Variants in CTNNAL1 observed in about 807,000 individuals in gnomAD.
CTNNAL1 encodes alpha-catulin.
CTNNAL1 carries 69 observed loss-of-function variants against 93.6 expected under a neutral mutation model. The observed-to-expected ratio is 0.74, with a 90% CI of 0.61 to 0.90. The LOEUF (loss-of-function observed/expected upper bound fraction) is 0.90, where lower values mean the gene tolerates loss of function less well. Among genes scored for constraint, CTNNAL1 ranks in the 40% least tolerant of loss-of-function variants. The pLI is 0.00. For missense variants in CTNNAL1, 836 were observed against 862.0 expected (o/e 0.97, Z 0.38); for synonymous variants, 286 against 305.4 (o/e 0.94, Z 0.66).
intron 11 of CTNNAL1, among the ~76,000 whole-genome samples, chr9:108,962,637 T>C (rs569657594): frequency 1.8e-4 from 28 of 152,202 alleles, no homozygotes; most frequent in South Asian, 1.2e-3. Context: ...AGAAAGGACA[T>C]AGGGAGAGAT....
chr9:109,007,801 T>C (rs756161461), intron 1 of CTNNAL1, among the ~76,000 whole-genome samples: 1 of 152,212 alleles, frequency 6.6e-6, no homozygotes, highest in Admixed American at 6.5e-5. Context: ...CCATGTACTA[T>C]CTGGCTACTC....
chr9:108,958,985 C>T (rs995671659), intron 11 of CTNNAL1, among the ~76,000 whole-genome samples: 20 of 151,554 alleles, frequency 1.3e-4, no homozygotes, highest in African/African-American at 4.8e-4. Context: ...CTGGCTCAGC[C>T]AGGCACGGTG....
At chr9:108,960,143 C>G (rs1303280808) in intron 11 of CTNNAL1, among the ~76,000 whole-genome samples, 7 of 152,114 alleles carry the variant, frequency 4.6e-5, no homozygotes, top group Non-Finnish European at 2.9e-5. Flanking sequence ...TAAAATGAAT[C>G]CCTGACCACT....
chr9:108,990,962 G>A, intron 3 of CTNNAL1, 117 bp from the exon 4 acceptor site: 1 of 1,205,998 alleles, frequency 8.3e-7, no homozygotes, highest in Non-Finnish European at 1.1e-6. Flanking sequence ...AGCTGAGGAG[G>A]AGGAGCCAGA....
chr9:108,962,819 C>T (rs1480926853), intron 11 of CTNNAL1, among the ~76,000 whole-genome samples: 1 of 152,178 alleles, frequency 6.6e-6, no homozygotes, highest in Non-Finnish European at 1.5e-5. Context: ...TTAATCTTCA[C>T]ACTTACCATA....
intron 10 of CTNNAL1, 82 bp from the exon 11 acceptor site, chr9:108,965,610 C>A: frequency 1.4e-6 from 1 of 707,528 alleles, no homozygotes; most frequent in Non-Finnish European, 2.1e-6. Flanking sequence ...GTAAGTAAGT[C>A]TGCTGTTCAA....
At chr9:108,986,189 C>T (rs1831599395) in intron 4 of CTNNAL1, among the ~76,000 whole-genome samples, 1 of 148,552 alleles carries the variant, frequency 6.7e-6, no homozygotes, top group South Asian at 2.2e-4. Context: ...CCCCGCACCC[C>T]ACAACAGTCC....
intron 17 of CTNNAL1, 34 bp downstream of exon 17, chr9:108,943,669 A>G: frequency 6.4e-7 from 1 of 1,563,438 alleles, no homozygotes; most frequent in Non-Finnish European, 8.7e-7. Context: ...AGATAAAGAT[A>G]GATGTGTGAA....
intron 16 of CTNNAL1, 41 bp downstream of exon 16, chr9:108,943,921 A>C (rs1383512661): frequency 6.2e-7 from 1 of 1,606,610 alleles, no homozygotes; most frequent in African/African-American, 1.3e-5. Context: ...TAGGTTATAC[A>C]TAATACCACC....
chr9:108,948,642 G>C (rs1830472637), intron 14 of CTNNAL1, among the ~76,000 whole-genome samples: 1 of 152,050 alleles, frequency 6.6e-6, no homozygotes, highest in Non-Finnish European at 1.5e-5. Context: ...TTTCAATTCT[G>C]GTAGTAACTC....
intron 6 of CTNNAL1, 150 bp downstream of exon 6, chr9:108,982,995 T>C: frequency 1.7e-6 from 1 of 600,082 alleles, no homozygotes; most frequent in Non-Finnish European, 2.3e-6. Flanking sequence ...CAAGAATCGC[T>C]TGAACCCAGG....
intron 11 of CTNNAL1, among the ~76,000 whole-genome samples, chr9:108,960,013 A>G (rs1007243796): frequency 1.3e-5 from 2 of 152,230 alleles, no homozygotes; most frequent in African/African-American, 4.8e-5. Context: ...AAGCCTTATC[A>G]TTTCACTGAA....
intron 8 of CTNNAL1, 31 bp from the exon 9 acceptor site, chr9:108,972,864 G>GGGGGGGGGGCCCCCCCCCCCCCCCCC: frequency 7.0e-6 from 1 of 142,588 alleles, no homozygotes; most frequent in East Asian, 2.2e-4. Flanking sequence ...GGGGGGGTGG[G>GGGGGGGGGGCCCCCCCCCCCCCCCCC]AGGGTGGAGA....
intron 11 of CTNNAL1, among the ~76,000 whole-genome samples, chr9:108,956,386 C>T (rs527510994): frequency 2.0e-5 from 3 of 152,182 alleles, no homozygotes; most frequent in Non-Finnish European, 4.4e-5. Context: ...AGGAAGGAGA[C>T]GGGCAATGCC....
At chr9:108,951,369 A>G (rs754005370) in intron 14 of CTNNAL1, among the ~76,000 whole-genome samples, 6 of 151,940 alleles carry the variant, frequency 3.9e-5, no homozygotes, top group Non-Finnish European at 8.8e-5. Context: ...ATCCTTCACT[A>G]CTTTAATTGA....
chr9:108,998,072 A>T (rs1832087935), intron 2 of CTNNAL1, among the ~76,000 whole-genome samples: 1 of 152,240 alleles, frequency 6.6e-6, no homozygotes, highest in South Asian at 2.1e-4. Flanking sequence ...ATTCCATTGC[A>T]GTCTCTGCTG....
chr9:108,987,121 G>C (rs1041843911), intron 4 of CTNNAL1, among the ~76,000 whole-genome samples: 2 of 152,058 alleles, frequency 1.3e-5, no homozygotes, highest in Non-Finnish European at 2.9e-5. Context: ...TGTCCTGAAC[G>C]GTAATGCCTA....
intron 1 of CTNNAL1, 56 bp from the exon 2 acceptor site, chr9:108,999,312 G>A: frequency 6.6e-7 from 1 of 1,508,534 alleles, no homozygotes; most frequent in African/African-American, 1.4e-5. Flanking sequence ...TTTTTAAGCT[G>A]TATCACAAAG....
intron 8 of CTNNAL1, 31 bp from the exon 9 acceptor site, chr9:108,972,864 G>GGGGGGGGCGCCCCCCCC: frequency 4.2e-5 from 6 of 142,530 alleles, no homozygotes; most frequent in Non-Finnish European, 5.0e-5. Context: ...GGGGGGGTGG[G>GGGGGGGGCGCCCCCCCC]AGGGTGGAGA....
Sources: gnomAD v4.1 joint callset for allele counts (sites outside exome capture counted in the v4.1 genomes callset) on GRCh38, gnomAD v4.1.1 for gene constraint, MANE v1.5 for transcripts, NCBI Gene and HGNC (gene_info 2026-07-23, HGNC 2026-07-21) for gene names.